IL1RAPL1: variants seen among roughly 807,000 people sequenced by gnomAD.
IL1RAPL1 encodes the protein interleukin-1 receptor accessory protein-like 1.
A neutral mutation model predicts 48.4 loss-of-function variants in IL1RAPL1; 3 were observed. The ratio of observed to expected loss-of-function variants is 0.06; its 90% CI spans 0.03 to 0.16. IL1RAPL1 has a LOEUF of 0.16. Among genes scored for constraint, IL1RAPL1 ranks in the 10% least tolerant of loss-of-function variants. The pLI, the probability that IL1RAPL1 is intolerant of heterozygous loss-of-function variation, is 1.00. For synonymous variants in IL1RAPL1, 185 were observed against 187.7 expected (o/e 0.99, Z 0.12); for missense variants, 349 against 530.6 (o/e 0.66, Z 3.36).
At chrX:29,698,110 A>G (rs1400562312) in intron 6 of IL1RAPL1, among the ~76,000 whole-genome samples, 1 of 108,552 alleles carries the variant, frequency 9.2e-6, no homozygotes, top group Non-Finnish European at 1.9e-5. Flanking sequence ...ACACCCCTCC[A>G]TGCATCAAAC....
intron 1 of IL1RAPL1, among the ~76,000 whole-genome samples, chrX:28,751,026 C>T (rs1056577627): frequency 2.7e-5 from 3 of 111,921 alleles, no homozygotes; most frequent in South Asian, 3.7e-4. Flanking sequence ...TTAATTCAAC[C>T]GTGATTCTGT....
chrX:28,613,529 C>T (rs758819654), intron 1 of IL1RAPL1, among the ~76,000 whole-genome samples: 10 of 112,795 alleles, frequency 8.9e-5, no homozygotes, highest in Middle Eastern at 4.6e-3. Flanking sequence ...TAAAGGTAGT[C>T]CTTGGGACTC....
At chrX:29,814,729 T>C (rs527866477) in intron 6 of IL1RAPL1, among the ~76,000 whole-genome samples, 3 of 112,427 alleles carry the variant, frequency 2.7e-5, no homozygotes, top group African/African-American at 9.7e-5. Context: ...CATTTAAATA[T>C]TTAATCCTTT....
At chrX:29,149,258 C>T (rs973780347) in intron 2 of IL1RAPL1, among the ~76,000 whole-genome samples, 1 of 110,570 alleles carries the variant, frequency 9.0e-6, no homozygotes, top group South Asian at 3.8e-4. Context: ...TTTATCTAGT[C>T]TGCATTTGGA....
chrX:29,065,768 C>T (rs958851572), intron 2 of IL1RAPL1, among the ~76,000 whole-genome samples: 1 of 111,452 alleles, frequency 9.0e-6, no homozygotes, highest in African/African-American at 3.3e-5. Context: ...TTCAGGTTTG[C>T]TGATTCTTTC....
intron 8 of IL1RAPL1, among the ~76,000 whole-genome samples, chrX:29,931,656 A>G (rs1174220059): frequency 8.9e-6 from 1 of 112,541 alleles, no homozygotes; most frequent in Admixed American, 9.4e-5. Context: ...TTTGTTTAGA[A>G]GAGTTCAATA....
chrX:29,468,040 T>A (rs1934882668), intron 5 of IL1RAPL1, among the ~76,000 whole-genome samples: 1 of 110,981 alleles, frequency 9.0e-6, no homozygotes, highest in South Asian at 3.9e-4. Flanking sequence ...TTTGTGTTTT[T>A]GTTAGAGACA....
At position 29,550,928 on chromosome X, in the gene IL1RAPL1, T is replaced by C. The variant is rs4501756; in HGVS notation, c.704-117502T>C. Reference sequence around the variant, plus strand: ...TTGTACAACCATTACTACCGTCATATCTTCAAAACTGAAACTCTGCACCCA... The same window carrying C: ...TTGTACAACCATTACTACCGTCATACCTTCAAAACTGAAACTCTGCACCCA... On this transcript the variant is annotated intron_variant, in intron 5 of 10. Transcript: ENST00000378993. Among the ~76,000 whole-genome samples, 1,051 of 112,234 alleles carry C rather than the reference T, an allele frequency of 9.4e-3. 7 individuals carry two copies. Among genetic ancestry groups the C allele is most frequent in the Non-Finnish European group, 0.013 (715 of 53,251 alleles).
At chrX:29,308,192 C>T (rs1932654794) in intron 3 of IL1RAPL1, among the ~76,000 whole-genome samples, 1 of 111,915 alleles carries the variant, frequency 8.9e-6, no homozygotes, top group African/African-American at 3.2e-5. Flanking sequence ...ACAGCTGAAA[C>T]ATTCTCTCTT....
chrX:29,266,073 C>G (rs1030216320), intron 2 of IL1RAPL1, among the ~76,000 whole-genome samples: 2 of 110,877 alleles, frequency 1.8e-5, no homozygotes, highest in Non-Finnish European at 3.8e-5. Context: ...CCTCAGGGAT[C>G]TAGAACTAGA....
At chrX:29,224,783 TA>T (rs1931047775) in intron 2 of IL1RAPL1, among the ~76,000 whole-genome samples, 1 of 112,343 alleles carries the variant, frequency 8.9e-6, no homozygotes, top group South Asian at 3.6e-4. Flanking sequence ...TATTTATAAC[TA>T]AAGAGCATTT....
intron 2 of IL1RAPL1, among the ~76,000 whole-genome samples, chrX:29,034,000 T>C (rs767074970): frequency 9.0e-6 from 1 of 111,426 alleles, no homozygotes; most frequent in African/African-American, 3.3e-5. Flanking sequence ...CATAATAACA[T>C]AAATTTATTC....
chrX:29,890,479 AC>A (rs1482930998), intron 6 of IL1RAPL1, among the ~76,000 whole-genome samples: 1 of 112,045 alleles, frequency 8.9e-6, no homozygotes. Flanking sequence ...GGAAGGACTA[AC>A]GAAGAACCTG....
chrX:28,713,023 T>C (rs1279935665), intron 1 of IL1RAPL1, among the ~76,000 whole-genome samples: 2 of 111,470 alleles, frequency 1.8e-5, no homozygotes, highest in East Asian at 5.6e-4. Context: ...TGTTCTATAA[T>C]GCCTTTAAAA....
rs977902738 is a variant in IL1RAPL1, at chrX:29,052,493, A to G, written c.83-230445A>G. Among the ~76,000 whole-genome samples, 4 of 111,488 alleles carry G rather than the reference A, an allele frequency of 3.6e-5. No individual in the cohort carries two copies. In the East Asian group the frequency reaches 8.5e-4, roughly 24 times the overall value. On this transcript the variant is annotated intron_variant, in intron 2 of 10. Transcript: ENST00000378993. ...AACTATAGTCACCTGGTTGTGTAAT[A>G]GATCACCAGAATGTATTCTTTCTGT... is the stretch of plus-strand genomic sequence containing the variant.
At chrX:28,995,884 A>T (rs989150312) in intron 2 of IL1RAPL1, among the ~76,000 whole-genome samples, 1 of 109,774 alleles carries the variant, frequency 9.1e-6, no homozygotes, top group Non-Finnish European at 1.9e-5. Context: ...CACAATATTT[A>T]CCAACTTCTA....
At chrX:29,112,489 A>G (rs1283495106) in intron 2 of IL1RAPL1, among the ~76,000 whole-genome samples, 1 of 105,271 alleles carries the variant, frequency 9.5e-6, no homozygotes, top group Non-Finnish European at 1.9e-5. Flanking sequence ...TTTTTTCAAT[A>G]GGAACAGTCA....
At chrX:29,260,095 G>A (rs1211532518) in intron 2 of IL1RAPL1, among the ~76,000 whole-genome samples, 1 of 112,130 alleles carries the variant, frequency 8.9e-6, no homozygotes, top group Non-Finnish European at 1.9e-5. Flanking sequence ...AATTATTACA[G>A]TAGCCTTCCT....
chrX:28,744,822 G>A (rs781599550), intron 1 of IL1RAPL1, among the ~76,000 whole-genome samples: 2 of 111,672 alleles, frequency 1.8e-5, no homozygotes, highest in African/African-American at 3.3e-5. Context: ...ACTTTGATTT[G>A]TGTGGTCAGT....
Sources: allele counts gnomAD v4.1 joint callset (sites outside exome capture counted in the v4.1 genomes callset), GRCh38; gene constraint gnomAD v4.1.1; transcripts MANE v1.5; gene names NCBI Gene and HGNC (gene_info 2026-07-23, HGNC 2026-07-21).